The following ASPH variants were observed in gnomAD, a reference collection of about 807,000 sequenced individuals.
The protein encoded by ASPH is aspartyl/asparaginyl beta-hydroxylase.
A neutral mutation model predicts 118.4 loss-of-function variants in ASPH; 100 were observed. The observed-to-expected ratio is 0.84, with a 90% CI of 0.72 to 1.00. The LOEUF (loss-of-function observed/expected upper bound fraction) is 1.00, where lower values mean the gene tolerates loss of function less well. Ranked by LOEUF, ASPH falls within the 50% of genes least tolerant of loss-of-function variation. ASPH has a pLI of 0.00. For synonymous variants in ASPH, 315 were observed against 325.6 expected (o/e 0.97, Z 0.35); for missense variants, 920 against 919.5 (o/e 1.00, Z -0.01).
chr8:61,591,752 C>G (rs1281327208), intron 14 of ASPH, among the ~76,000 whole-genome samples: 4 of 152,126 alleles, frequency 2.6e-5, no homozygotes, highest in African/African-American at 9.7e-5. Context: ...GGCACCGAGA[C>G]TGAAGCTTCG....
intron 14 of ASPH, among the ~76,000 whole-genome samples, chr8:61,599,429 C>A: frequency 6.7e-6 from 1 of 149,654 alleles, no homozygotes; most frequent in Non-Finnish European, 1.5e-5. Flanking sequence ...TGTAACAAAC[C>A]TGCACGTTGT....
chr8:61,562,757 T>G lies in ASPH; in HGVS notation c.1424A>C (p.Lys475Thr), dbSNP rs769819321. 2.5e-6 allele frequency: 4 copies of G among 1,607,474 alleles called. No individual in the cohort carries two copies. Among genetic ancestry groups the G allele is most frequent in the Non-Finnish European group, 2.5e-6 (3 of 1,177,892 alleles). The change falls in exon 18 of 25, where the codon AAA becomes ACA. Residue 475 changes from lysine to threonine, a missense_variant. Physicochemically the swap from Lys to Thr is moderately conservative, Grantham distance 78. Transcript: ENST00000379454. ...ATTGATGCTTACCTCTTCATAAACT[T>G]TCTTTGCATTGTCATTATCTCCTAT... ...LLIGDNDNAK[K>T]VYEEVLSVTP... is the part of the protein sequence containing the mutation.
intron 20 of ASPH, among the ~76,000 whole-genome samples, chr8:61,549,635 T>C (rs1041815447): frequency 1.3e-5 from 2 of 152,188 alleles, no homozygotes; most frequent in African/African-American, 4.8e-5. Flanking sequence ...TTTTAAAAAA[T>C]AGCATATATC....
At chr8:61,605,000 G>A (rs1348249130) in intron 14 of ASPH, among the ~76,000 whole-genome samples, 1 of 152,196 alleles carries the variant, frequency 6.6e-6, no homozygotes, top group Non-Finnish European at 1.5e-5. Context: ...TAATAAAGCT[G>A]TAACACCCAA....
intron 3 of ASPH, among the ~76,000 whole-genome samples, chr8:61,672,299 G>A (rs534027116): frequency 1.7e-4 from 26 of 152,056 alleles, no homozygotes; most frequent in African/African-American, 5.3e-4. Flanking sequence ...AGTGGGGAAC[G>A]GAGGATCAGA....
chr8:61,653,296 A>G (rs1335730090), intron 4 of ASPH, among the ~76,000 whole-genome samples: 1 of 152,234 alleles, frequency 6.6e-6, no homozygotes, highest in Admixed American at 6.5e-5. Flanking sequence ...TGGAATTGGA[A>G]TCAAGAAACA....
At chr8:61,576,939 T>C in intron 15 of ASPH, 81 bp from the exon 16 acceptor site, 1 of 1,253,234 alleles carries the variant, frequency 8.0e-7, no homozygotes, top group South Asian at 1.6e-5. Context: ...ATTCAGCAAG[T>C]GGTTTTGTCA....
In ASPH at chr8:61,672,117, A is replaced by G. The variant is rs1023928696; in HGVS notation, c.322+8851T>C. 3.9e-5 allele frequency among the ~76,000 whole-genome samples: 6 copies of G among 152,346 alleles called. 1 individual carries two copies. The highest frequency in any genetic ancestry group is 2.6e-4 in the Admixed American group (4 of 15,298). On this transcript the variant is annotated intron_variant, in intron 3 of 24. Coordinates refer to ENST00000379454, the MANE Select transcript of ASPH (RefSeq NM_004318.4). ...AAAAGAGGCCCTAAATGTCTGAGTAACCATCCTGTTAGCGAGACAGACTGT... is the reference window on the plus strand; with the variant it reads ...AAAAGAGGCCCTAAATGTCTGAGTAGCCATCCTGTTAGCGAGACAGACTGT...
Position 61,602,330 on chromosome 8 carries a change from T to C in ASPH, c.976+16648A>G, listed in dbSNP as rs530605679. Among the ~76,000 whole-genome samples, 10 of 151,470 alleles carry C rather than the reference T, an allele frequency of 6.6e-5. 1 individual carries two copies. The highest frequency in any genetic ancestry group is 3.4e-3 in the Middle Eastern group (1 of 294). ...CTAGAATTAATCAGTGCAATTTATATTATACACAAAAATGAAAAAAATATG... is the reference window on the plus strand; with the variant it reads ...CTAGAATTAATCAGTGCAATTTATACTATACACAAAAATGAAAAAAATATG... On this transcript the variant is annotated intron_variant, in intron 14 of 24. Coordinates refer to ENST00000379454, the MANE Select transcript of ASPH (RefSeq NM_004318.4).
chr8:61,578,986 T>G (rs2132276844), intron 15 of ASPH: 1 of 1,610,954 alleles, frequency 6.2e-7, no homozygotes, highest in Non-Finnish European at 8.5e-7. Flanking sequence ...TCCCTGGACA[T>G]GGACAGCATC....
At chr8:61,602,463 G>A (rs1413932830) in intron 14 of ASPH, among the ~76,000 whole-genome samples, 2 of 151,364 alleles carry the variant, frequency 1.3e-5, no homozygotes, top group Non-Finnish European at 2.9e-5. Flanking sequence ...CTGAGAATGA[G>A]CATCTATGAA....
At chr8:61,658,905 G>C (rs1412271370) in intron 3 of ASPH, 1 of 152,246 alleles carries the variant, frequency 6.6e-6, no homozygotes, top group African/African-American at 2.4e-5. Context: ...GCCTATTAGT[G>C]TCAGTTACTA....
At chr8:61,549,773 A>C (rs368943172) in intron 20 of ASPH, among the ~76,000 whole-genome samples, 1 of 152,234 alleles carries the variant, frequency 6.6e-6, no homozygotes, top group Admixed American at 6.5e-5. Flanking sequence ...CAAAAATCTG[A>C]CAGTCCATTT....
intron 14 of ASPH, among the ~76,000 whole-genome samples, chr8:61,613,310 T>A (rs569759571): frequency 5.2e-4 from 79 of 152,336 alleles, no homozygotes; most frequent in Middle Eastern, 6.8e-3. Context: ...GCCTCCAGAC[T>A]CAAGCTGCAA....
intron 12 of ASPH, 55 bp downstream of exon 12, chr8:61,637,892 A>G: frequency 1.3e-6 from 2 of 1,508,238 alleles, no homozygotes; most frequent in Middle Eastern, 2.0e-4. Flanking sequence ...ATAACTGAAT[A>G]AACAAACACA....
chr8:61,612,676 A>C (rs1847824376), intron 14 of ASPH, among the ~76,000 whole-genome samples: 1 of 152,128 alleles, frequency 6.6e-6, no homozygotes, highest in Non-Finnish European at 1.5e-5. Context: ...CCAGACTAAA[A>C]ATAAACAAAG....
chr8:61,690,754 C>T (rs991831380), intron 1 of ASPH, among the ~76,000 whole-genome samples: 3 of 152,086 alleles, frequency 2.0e-5, no homozygotes, highest in African/African-American at 7.2e-5. Context: ...GCTTTGAATA[C>T]TACTAGTAAT....
intron 21 of ASPH, among the ~76,000 whole-genome samples, chr8:61,532,996 T>C (rs1380803859): frequency 6.6e-6 from 1 of 152,224 alleles, no homozygotes; most frequent in Non-Finnish European, 1.5e-5. Context: ...CATGGCAATA[T>C]GCCTTAATGT....
chr8:61,595,673 G>C (rs1269053884), intron 14 of ASPH, among the ~76,000 whole-genome samples: 2 of 152,182 alleles, frequency 1.3e-5, no homozygotes, highest in African/African-American at 2.4e-5. Context: ...GATAAAATAA[G>C]GATCATAAAA....
Sources: allele counts gnomAD v4.1 joint callset (sites outside exome capture counted in the v4.1 genomes callset), GRCh38; gene constraint gnomAD v4.1.1; transcripts MANE v1.5; gene names NCBI Gene and HGNC (gene_info 2026-07-23, HGNC 2026-07-21).